The following GREM2 variants were observed in gnomAD, a reference collection of about 807,000 sequenced individuals.
The protein encoded by GREM2 is gremlin 2, DAN family BMP antagonist.
GREM2 carries 11 observed loss-of-function variants against 14.2 expected under a neutral mutation model. The ratio of observed to expected loss-of-function variants is 0.78; its 90% CI spans 0.49 to 1.28. GREM2 has a LOEUF of 1.28. Among genes scored for constraint, GREM2 ranks in the 50% most tolerant of loss-of-function variants. The pLI is 0.00. For synonymous variants in GREM2, 98 were observed against 97.6 expected (o/e 1.00, Z -0.02); for missense variants, 210 against 218.5 (o/e 0.96, Z 0.24).
At chr1:240,582,920 C>T (rs1679518824) in intron 1 of GREM2, among the ~76,000 whole-genome samples, 1 of 152,132 alleles carries the variant, frequency 6.6e-6, no homozygotes, top group Non-Finnish European at 1.5e-5. Context: ...AAATTTACTT[C>T]TCAGAAAACT....
At chr1:240,554,092 T>C (rs1280044574) in intron 1 of GREM2, among the ~76,000 whole-genome samples, 2 of 152,122 alleles carry the variant, frequency 1.3e-5, no homozygotes, top group Non-Finnish European at 2.9e-5. Context: ...TGTTTTCCTC[T>C]TTTATTATTT....
intron 1 of GREM2, among the ~76,000 whole-genome samples, chr1:240,501,178 T>G (rs764090861): frequency 6.6e-6 from 1 of 152,130 alleles, no homozygotes; most frequent in Non-Finnish European, 1.5e-5. Context: ...AATTAAAATA[T>G]GAGGAAAGGA....
intron 1 of GREM2, among the ~76,000 whole-genome samples, chr1:240,528,522 A>G (rs185699824): frequency 2.6e-5 from 4 of 152,152 alleles, no homozygotes; most frequent in Admixed American, 2.0e-4. Flanking sequence ...AAAAAAATGT[A>G]TATGTATTTT....
Position 240,545,207 on chromosome 1 carries a change from C to T in GREM2, c.-1-51731G>A, listed in dbSNP as rs188684092. 9.2e-5 allele frequency among the ~76,000 whole-genome samples: 14 copies of T among 152,306 alleles called. 1 individual carries two copies. In the East Asian group the frequency reaches 2.7e-3, roughly 30 times the overall value. ...GGGAGAGAGGCTGAAGGTTAAGTTG[C>T]TCTCCAATAACCAGCGACTTAATCA... is the stretch of plus-strand genomic sequence containing the variant. On this transcript the variant is annotated intron_variant, in intron 1 of 1. Coordinates refer to ENST00000318160, the MANE Select transcript of GREM2 (RefSeq NM_022469.4).
intron 1 of GREM2, among the ~76,000 whole-genome samples, chr1:240,583,384 T>G (rs764923409): frequency 2.0e-5 from 3 of 152,198 alleles, no homozygotes; most frequent in Non-Finnish European, 2.9e-5. Context: ...CCAATTTACT[T>G]ATATAATTAA....
At chr1:240,497,358 G>T (rs1677449675) in intron 1 of GREM2, among the ~76,000 whole-genome samples, 1 of 152,066 alleles carries the variant, frequency 6.6e-6, no homozygotes, top group African/African-American at 2.4e-5. Context: ...AGCATTCTGG[G>T]TCAGTAGTGT....
At chr1:240,573,290 G>A (rs940232123) in intron 1 of GREM2, among the ~76,000 whole-genome samples, 1 of 151,958 alleles carries the variant, frequency 6.6e-6, no homozygotes, top group Non-Finnish European at 1.5e-5. Flanking sequence ...ATGAGACCTC[G>A]TCTCTATTTT....
intron 1 of GREM2, among the ~76,000 whole-genome samples, chr1:240,599,420 A>G (rs1387297166): frequency 1.2e-4 from 19 of 152,142 alleles, no homozygotes; most frequent in Non-Finnish European, 2.5e-4. Context: ...TTGTGCCAAT[A>G]TGATCTGGCT....
At chr1:240,573,934 T>C (rs1053676013) in intron 1 of GREM2, among the ~76,000 whole-genome samples, 1 of 152,106 alleles carries the variant, frequency 6.6e-6, no homozygotes, top group African/African-American at 2.4e-5. Flanking sequence ...TGTTTTGTTT[T>C]GTTTTGACGA....
At chr1:240,569,921 A>ATT (rs35815960) in intron 1 of GREM2, among the ~76,000 whole-genome samples, 3 of 151,920 alleles carry the variant, frequency 2.0e-5, no homozygotes, top group African/African-American at 7.3e-5. Flanking sequence ...CTTCACTAAA[A>ATT]TTTTTTTAAT....
intron 1 of GREM2, among the ~76,000 whole-genome samples, chr1:240,504,928 A>G (rs1677646889): frequency 6.6e-6 from 1 of 152,168 alleles, no homozygotes; most frequent in Non-Finnish European, 1.5e-5. Context: ...AATAGATGAT[A>G]TAGTTTGGAT....
chr1:240,534,179 T>G (rs4659978), intron 1 of GREM2, among the ~76,000 whole-genome samples: 142,022 of 152,244 alleles, frequency 0.93, 66,268 homozygotes, highest in African/African-American at 0.96. Context: ...GGAAGAGAGG[T>G]GTGAGGCATC....
At chr1:240,526,545 A>G (rs1262395882) in intron 1 of GREM2, among the ~76,000 whole-genome samples, 1 of 152,154 alleles carries the variant, frequency 6.6e-6, no homozygotes. Context: ...GGCCTAGATC[A>G]GGTTACTCCT....
intron 1 of GREM2, among the ~76,000 whole-genome samples, chr1:240,525,595 C>T: frequency 6.6e-6 from 1 of 152,058 alleles, no homozygotes; most frequent in Non-Finnish European, 1.5e-5. Context: ...TTTGGTGCCT[C>T]AGCCTCCCGA....
intron 1 of GREM2, among the ~76,000 whole-genome samples, chr1:240,593,686 C>A (rs931129578): frequency 8.5e-5 from 13 of 152,200 alleles, no homozygotes; most frequent in Non-Finnish European, 1.9e-4. Flanking sequence ...GAATCCTTCA[C>A]AGGGCCTAGC....
chr1:240,598,284 AG>A (rs1679858561), intron 1 of GREM2, among the ~76,000 whole-genome samples: 1 of 152,234 alleles, frequency 6.6e-6, no homozygotes, highest in Non-Finnish European at 1.5e-5. Flanking sequence ...GTGAGTCAAA[AG>A]ACCCCAATGG....
At chr1:240,586,917 C>A (rs919960642) in intron 1 of GREM2, among the ~76,000 whole-genome samples, 2 of 152,148 alleles carry the variant, frequency 1.3e-5, no homozygotes, top group East Asian at 1.9e-4. Context: ...CGAGAGACTG[C>A]AGCAGAGTGA....
intron 1 of GREM2, among the ~76,000 whole-genome samples, chr1:240,579,992 G>A (rs575064968): frequency 6.6e-5 from 10 of 152,294 alleles, no homozygotes; most frequent in Non-Finnish European, 8.8e-5. Flanking sequence ...ATACATATGC[G>A]TTTGTCATCT....
At chr1:240,520,476 T>C (rs939826500) in intron 1 of GREM2, among the ~76,000 whole-genome samples, 1 of 152,194 alleles carries the variant, frequency 6.6e-6, no homozygotes, top group Non-Finnish European at 1.5e-5. Flanking sequence ...AAGACTGAAA[T>C]AGATGTTTCA....
Sources: allele counts gnomAD v4.1 joint callset (sites outside exome capture counted in the v4.1 genomes callset), GRCh38; gene constraint gnomAD v4.1.1; transcripts MANE v1.5; gene names NCBI Gene and HGNC (gene_info 2026-07-23, HGNC 2026-07-21).